The following OS9 variants were observed in gnomAD, a reference collection of about 807,000 sequenced individuals.
The protein encoded by OS9 is protein OS-9.
In OS9, 58 loss-of-function variants were observed where a neutral mutation model predicts 84.7. That is an observed-to-expected ratio of 0.68 (90% CI 0.55 to 0.85). OS9 has a LOEUF of 0.85. Among genes scored for constraint, OS9 ranks in the 40% least tolerant of loss-of-function variants. The pLI is 0.00. For synonymous variants in OS9, 278 were observed against 320.8 expected, an observed-to-expected ratio of 0.87 and a Z score of 1.43; for missense variants, 760 against 850.9, an observed-to-expected ratio of 0.89 and a Z score of 1.33.
rs761872128 is a variant in OS9, at chr12:57,694,338, AG to A, written c.162+19del. On this transcript the variant is annotated intron_variant, in intron 1 of 14. Transcript: ENST00000315970. The stretch of plus-strand genomic sequence containing the variant: ...TGGGAGGGCAGGTGAGAGGCGTATA[AG>A]GGGCGAGGGTCTGGGCAGAAGAGGA... 2 of 1,613,654 alleles carry A rather than the reference AG, an allele frequency of 1.2e-6. No individual in the cohort carries two copies. The highest frequency in any genetic ancestry group is 1.7e-6 in the Non-Finnish European group (2 of 1,179,780).
intron 5 of OS9, among the ~76,000 whole-genome samples, chr12:57,711,495 C>T (rs1347601868): frequency 4.0e-5 from 6 of 151,810 alleles, no homozygotes; most frequent in South Asian, 2.1e-4. Flanking sequence ...TACAGGTGTG[C>T]GCCACCACAC....
chr12:57,715,786 C>T lies in OS9; in HGVS notation c.606C>T (p.Ile202=), dbSNP rs146463544. Reference sequence around the variant, plus strand: ...TCCTCTGTGACGAGGGTGCAGGTATCTCTGGGGACTACATCGATCGCGTGG... The same window carrying T: ...TCCTCTGTGACGAGGGTGCAGGTATTTCTGGGGACTACATCGATCGCGTGG... ...VRFLCDEGAG[I]SGDYIDRVDE... The change falls in exon 6 of 15, where the codon ATC becomes ATT. Residue 202 remains isoleucine, a synonymous_variant. Transcript: ENST00000315970. The T allele has an allele frequency of 3.1e-6, 5 of 1,612,182 alleles. No individual in the cohort carries two copies. Among genetic ancestry groups the T allele is most frequent in the African/African-American group, 2.7e-5 (2 of 74,896 alleles).
At chr12:57,696,113 A>T in intron 4 of OS9, 75 bp downstream of exon 4, 1 of 1,298,082 alleles carries the variant, frequency 7.7e-7, no homozygotes, top group Non-Finnish European at 1.1e-6. Context: ...GGGGAGGGTC[A>T]AGATTAGCTG....
In OS9 at chr12:57,694,420, C is replaced by T. The variant is rs1595021898; in HGVS notation, c.162+97C>T. ...CTCCGGAGTCTGGGGCTGGAGCCTA[C>T]GGGGAATCGGGAAGAGTAGGTATTG... On this transcript the variant is annotated intron_variant, in intron 1 of 14. Transcript: ENST00000315970. 3.3e-5 allele frequency: 43 copies of T among 1,302,174 alleles called. 2 individuals are homozygous for T. In the South Asian group the frequency reaches 5.2e-4, roughly 16 times the overall value. 80.7% of individuals were successfully genotyped at this position (1,302,174 alleles called of 1,614,324 possible).
At chr12:57,695,164 T>C (rs932064559) in intron 2 of OS9, 15 of 547,574 alleles carry the variant, frequency 2.7e-5, no homozygotes, top group Non-Finnish European at 3.9e-5. Flanking sequence ...TAAAGCAAGA[T>C]TGAGGGTCTG....
rs202142250 is a variant in OS9, at chr12:57,710,237, T to TA, written c.580-5521dup. Among the ~76,000 whole-genome samples the TA allele has an allele frequency of 6.8e-3, 1,038 of 152,352 alleles. 20 individuals are homozygous for TA. Among genetic ancestry groups the TA allele is most frequent in the East Asian group, 0.037 (190 of 5,186 alleles). The stretch of plus-strand genomic sequence containing the variant: ...TTTTCTGTTTCTACTTGGGACAGTT[T>TA]AAGTTTTCTTTTCAGGAGTTCATTT... On this transcript the variant is annotated intron_variant, in intron 5 of 14. Transcript: ENST00000315970.
intron 5 of OS9, 21 bp downstream of exon 5, chr12:57,696,394 G>T (rs1441262485): frequency 7.5e-7 from 1 of 1,338,478 alleles, no homozygotes; most frequent in East Asian, 3.4e-5. Context: ...AGAGAGGGAA[G>T]TTGACACTCC....
Position 57,712,710 on chromosome 12 carries a change from C to T in OS9, c.580-3050C>T, listed in dbSNP as rs116516292. On this transcript the variant is annotated intron_variant, in intron 5 of 14. Transcript: ENST00000315970. ...TCCAGATAGAAATTCCTGCCCTCCA[C>T]CCCATGGCTTTTGTTTGTTCATTTG... Among the ~76,000 whole-genome samples, 867 of 152,152 alleles carry T rather than the reference C, an allele frequency of 5.7e-3. 14 individuals are homozygous for T. The highest frequency in any genetic ancestry group is 0.02 in the African/African-American group (826 of 41,480).
At chr12:57,718,445 T>TG in intron 11 of OS9, 24 bp downstream of exon 11, 1 of 1,604,998 alleles carries the variant, frequency 6.2e-7, no homozygotes, top group Non-Finnish European at 8.5e-7. Flanking sequence ...TTCCTCCTGT[T>TG]GCTTCCACAG....
At chr12:57,702,698 C>T (rs1954061034) in intron 5 of OS9, among the ~76,000 whole-genome samples, 1 of 152,212 alleles carries the variant, frequency 6.6e-6, no homozygotes, top group Admixed American at 6.5e-5. Flanking sequence ...TAGCAGTGCA[C>T]AGGGTTCCAG....
intron 11 of OS9, among the ~76,000 whole-genome samples, 181 bp downstream of exon 11, chr12:57,718,602 G>T (rs1565782468): frequency 1.3e-5 from 2 of 152,154 alleles, no homozygotes; most frequent in Non-Finnish European, 2.9e-5. Flanking sequence ...AGAGGGACAA[G>T]ACTTAAATAT....
At chr12:57,695,193 C>G (rs1953789256) in intron 2 of OS9, 2 of 497,184 alleles carry the variant, frequency 4.0e-6, no homozygotes, top group East Asian at 7.4e-5. Context: ...AGGAGGAGTA[C>G]TTCCTTAAGC....
Position 57,720,887 on chromosome 12 carries a change from A to G in OS9, c.1982A>G (p.Asp661Gly). 6.2e-7 allele frequency: 1 copy of G among 1,614,094 alleles called. No homozygotes were observed. Among genetic ancestry groups the G allele is most frequent in the Non-Finnish European group, 8.5e-7 (1 of 1,179,980 alleles). The change falls in exon 15 of 15, where the codon GAC becomes GGC. Residue 661 changes from aspartate (D) to glycine (G), a missense_variant. Coordinates refer to ENST00000315970, the MANE Select transcript of OS9 (RefSeq NM_006812.4). ...WGSPGGEGTG[D>G]LDEFDF ...TCTCCAGGTGGGGAGGGCACAGGGG[A>G]CCTGGACGAATTTGACTTCTGAGAC...
At chr12:57,720,591 G>A (rs1037160875) in intron 14 of OS9, 73 bp downstream of exon 14, 19 of 1,322,382 alleles carry the variant, frequency 1.4e-5, no homozygotes, top group Non-Finnish European at 2.1e-5. Context: ...CCCCAGCCAC[G>A]CCATTGCTGA....
At chr12:57,713,698 CTTT>C (rs1045862160) in intron 5 of OS9, among the ~76,000 whole-genome samples, 3 of 131,810 alleles carry the variant, frequency 2.3e-5, no homozygotes. Flanking sequence ...CCCCACCCCA[CTTT>C]TTTTTTTTTT....
chr12:57,718,496 A>G, intron 11 of OS9, 75 bp downstream of exon 11: 2 of 1,503,580 alleles, frequency 1.3e-6, no homozygotes, highest in Non-Finnish European at 1.8e-6. Flanking sequence ...ACGGGCTAAA[A>G]GAAACAGAGG....
chr12:57,703,446 G>T (rs953594785), intron 5 of OS9, among the ~76,000 whole-genome samples: 1 of 152,102 alleles, frequency 6.6e-6, no homozygotes, highest in Admixed American at 6.6e-5. Context: ...TTTGCATATG[G>T]TCCAACTTCA....
At chr12:57,700,417 T>G (rs1953986988) in intron 5 of OS9, among the ~76,000 whole-genome samples, 1 of 151,190 alleles carries the variant, frequency 6.6e-6, no homozygotes, top group African/African-American at 2.4e-5. Context: ...TGGAATGGTG[T>G]ATTTGCTAGT....
chr12:57,720,043 CT>C, intron 12 of OS9, 55 bp from the exon 13 acceptor site: 3 of 1,555,548 alleles, frequency 1.9e-6, no homozygotes, highest in Non-Finnish European at 2.6e-6. Flanking sequence ...CCCCACACCC[CT>C]AACCCTGGAG....
Sources: allele counts gnomAD v4.1 joint callset (sites outside exome capture counted in the v4.1 genomes callset), GRCh38; gene constraint gnomAD v4.1.1; transcripts MANE v1.5; gene names NCBI Gene and HGNC (gene_info 2026-07-23, HGNC 2026-07-21).